ARSA: variants seen among roughly 807,000 people sequenced by gnomAD.
ARSA encodes the protein arylsulfatase A, also known as cerebroside-sulfatase.
ARSA carries 32 observed loss-of-function variants against 37.8 expected under a neutral mutation model. The observed-to-expected ratio is 0.85, with a 90% CI of 0.64 to 1.14. The LOEUF is 1.14. Ranked by LOEUF, ARSA falls within the 50% of genes most tolerant of loss-of-function variation. ARSA has a pLI of 0.00. For synonymous variants in ARSA, 303 were observed against 303.4 expected, an observed-to-expected ratio of 1.00 and a Z score of 0.01; for missense variants, 685 against 686.3, an observed-to-expected ratio of 1.00 and a Z score of 0.02.
Position 50,625,141 on chromosome 22 carries a change from G to A in ARSA, c.*4C>T. ...ATCACATGCCCAGGCCAGCCGAGGG[G>A]CCCTCAGGCATGGGGATCTGGGCAA... On this transcript the variant is annotated 3_prime_UTR_variant, in exon 8 of 8. Coordinates refer to ENST00000216124, the MANE Select transcript of ARSA (RefSeq NM_000487.6). The A allele has an allele frequency of 1.3e-6, 2 of 1,555,406 alleles. No homozygotes were observed. Among genetic ancestry groups the A allele is most frequent in the Non-Finnish European group, 1.7e-6 (2 of 1,152,108 alleles).
At position 50,627,020 on chromosome 22, in the gene ARSA, C is replaced by T. The variant is rs545521822; in HGVS notation, c.498G>A (p.Pro166=). 21 of 1,609,654 alleles carry T rather than the reference C, an allele frequency of 1.3e-5. No individual in the cohort carries two copies. In the South Asian group the frequency reaches 1.3e-4, roughly 10 times the overall value. The part of the protein sequence containing the change: ...GPCQNLTCFP[P]ATPCDGGCDQ... ...CACAGCCACCGTCGCAAGGAGTGGC[C>T]GGCGGGAAGCAGGTCAGGTTCTGGC... The change falls in exon 3 of 8, where the codon CCG becomes CCA. Residue 166 remains proline, a synonymous_variant. Transcript: ENST00000216124.
rs977218325 is a variant in ARSA, at chr22:50,625,018, T to C, written c.*127A>G. The C allele has an allele frequency of 1.0e-5, 12 of 1,164,902 alleles. No individual in the cohort carries two copies. Among genetic ancestry groups the C allele is most frequent in the South Asian group, 1.7e-5 (1 of 60,488 alleles). The allele number at this position is 1,164,902 out of a possible 1,614,324, so 72.2% of individuals were successfully genotyped here. On this transcript the variant is annotated 3_prime_UTR_variant, in exon 8 of 8. Transcript: ENST00000216124. ...CAGCATTACCCCAGGATTGGACGAA[T>C]TGTCACATCTGCAAGTCTCCACTGG...
At position 50,624,718 on chromosome 22, in the gene ARSA, C is replaced by T. The variant is rs1273792776; in HGVS notation, c.*427G>A. Among the ~76,000 whole-genome samples, 1 of 151,774 alleles carries T rather than the reference C, an allele frequency of 6.6e-6. No homozygotes were observed. On this transcript the variant is annotated 3_prime_UTR_variant, in exon 8 of 8. Coordinates refer to ENST00000216124, the MANE Select transcript of ARSA (RefSeq NM_000487.6). ...CTTTGCATCTTCTGAGTCTTCTGGC[C>T]CTCACACCCTCCCACCCTCCCACCC...
At position 50,625,185 on chromosome 22, in the gene ARSA, G is replaced by A; in HGVS notation, c.1490C>T (p.Pro497Leu). ...LQICCHPGCT[P>L]RPACCHCPDP... ...TGGGCAATGGCAGCAAGCTGGGCGG[G>A]GGGTGCAGCCAGGATGACAGCAGAT... Residue 497 changes from proline (P) to leucine (L), a missense_variant, in exon 8 of 8, where the codon CCC becomes CTC. Physicochemically the swap from Pro to Leu is moderately conservative, Grantham distance 98. Coordinates refer to ENST00000216124, the MANE Select transcript of ARSA (RefSeq NM_000487.6). 1 of 1,598,936 alleles carries A rather than the reference G, an allele frequency of 6.3e-7. No individual in the cohort carries two copies. The highest frequency in any genetic ancestry group is 8.5e-7 in the Non-Finnish European group (1 of 1,172,846).
In ARSA at chr22:50,627,805, A is replaced by G. The variant is rs1211662125; in HGVS notation, c.-26T>C. 4 of 1,529,372 alleles carry G rather than the reference A, an allele frequency of 2.6e-6. No homozygotes were observed. The highest frequency in any genetic ancestry group is 3.5e-6 in the Non-Finnish European group (4 of 1,140,046). 94.7% of individuals were successfully genotyped at this position (1,529,372 alleles called of 1,614,324 possible). A position where few individuals can be genotyped will look rare whatever the true frequency, so the allele number is the denominator to read the frequency against. ...GGGACCGAGGGGTCTGTCCCAAGAG[A>G]GGGAGGGCTACTTGGCTCCAGCAGG... On this transcript the variant is annotated 5_prime_UTR_variant, in exon 1 of 8. Coordinates refer to ENST00000216124, the MANE Select transcript of ARSA (RefSeq NM_000487.6).
At chr22:50,626,511 T>C in intron 4 of ARSA, 80 bp downstream of exon 4, 2 of 1,592,730 alleles carry the variant, frequency 1.3e-6, no homozygotes, top group Non-Finnish European at 1.7e-6. Flanking sequence ...ACTATGTTCT[T>C]GGCAAGCAGC....
In ARSA at chr22:50,627,198, G is replaced by C. The variant is rs199476373; in HGVS notation, c.433C>G (p.Arg145Gly). 1 of 1,612,874 alleles carries C rather than the reference G, an allele frequency of 6.2e-7. No individual in the cohort carries two copies. Residue 145 changes from arginine (R) to glycine (G), a missense_variant, in exon 2 of 8, where the codon CGA becomes GGA. Coordinates refer to ENST00000216124, the MANE Select transcript of ARSA (RefSeq NM_000487.6). ...AFLPPHQGFH[R>G]FLGIPYSHDQ... Reference sequence around the variant, plus strand: ...TGGGAGTACGGGATGCCTAGAAATCGATGGAAGCCCTGATGGGGGGGCAGG... The same window carrying C: ...TGGGAGTACGGGATGCCTAGAAATCCATGGAAGCCCTGATGGGGGGGCAGG...
chr22:50,624,957 T>G lies in ARSA; in HGVS notation c.*188A>C. On this transcript the variant is annotated 3_prime_UTR_variant, in exon 8 of 8. Transcript: ENST00000216124. ...TCCTGAACCTCTCTGCACCTCAGTT[T>G]CCTCATTCGTACCACAGGGGACCGG... 1 of 696,616 alleles carries G rather than the reference T, an allele frequency of 1.4e-6. No individual in the cohort carries two copies. 43.2% of individuals were successfully genotyped at this position (696,616 alleles called of 1,614,324 possible). A position where few individuals can be genotyped will look rare whatever the true frequency, so the allele number is the denominator to read the frequency against.
Position 50,625,013 on chromosome 22 carries a change from A to G in ARSA, c.*132T>C. The G allele has an allele frequency of 8.9e-7, 1 of 1,129,568 alleles. No individual in the cohort carries two copies. The highest frequency in any genetic ancestry group is 1.2e-6 in the Non-Finnish European group (1 of 823,204). The allele number at this position is 1,129,568 out of a possible 1,614,324, so 70.0% of individuals were successfully genotyped here. On this transcript the variant is annotated 3_prime_UTR_variant, in exon 8 of 8. Coordinates refer to ENST00000216124, the MANE Select transcript of ARSA (RefSeq NM_000487.6). ...GCACACAGCATTACCCCAGGATTGG[A>G]CGAATTGTCACATCTGCAAGTCTCC...
At chr22:50,626,118 G>A (rs2082662017) in intron 5 of ARSA, 36 bp downstream of exon 5, 1 of 1,599,554 alleles carries the variant, frequency 6.3e-7, no homozygotes, top group East Asian at 2.3e-5. Flanking sequence ...TGGGGTGGTG[G>A]GGCCAGGGTT....
At chr22:50,625,847 G>A in intron 6 of ARSA, 89 bp downstream of exon 6, 1 of 1,544,012 alleles carries the variant, frequency 6.5e-7, no homozygotes, top group Non-Finnish European at 8.8e-7. Flanking sequence ...AGGCACTGAG[G>A]CACAGACTCT....
intron 3 of ARSA, 30 bp downstream of exon 3, chr22:50,626,804 C>T: frequency 6.2e-7 from 1 of 1,611,208 alleles, no homozygotes; most frequent in Non-Finnish European, 8.5e-7. Context: ...GGGTCACGGG[C>T]AGCCAGGGGG....
chr22:50,627,452 CT>C lies in ARSA; in HGVS notation c.225-47del, dbSNP rs767282062. On this transcript the variant is annotated intron_variant, in intron 1 of 7. Coordinates refer to ENST00000216124, the MANE Select transcript of ARSA (RefSeq NM_000487.6). The stretch of plus-strand genomic sequence containing the variant: ...TCCCTGAGACAGACAGAAATGTGGC[CT>C]TCCCTAGAGAGAGAGACAGACGTTT... 31 of 1,606,094 alleles carry C rather than the reference CT, an allele frequency of 1.9e-5. No homozygotes were observed. The Admixed American group carries it at 2.5e-4, about 13-fold the overall frequency.
In ARSA at chr22:50,627,952, A is replaced by G; in HGVS notation, c.-173T>C. On this transcript the variant is annotated 5_prime_UTR_variant, in exon 1 of 8. Transcript: ENST00000216124. Reference sequence around the variant, plus strand: ...GGCCGGGGCCCGACAGTACCGGGAGACCGCGGGCTGGGACGGAACTCCTCC... The same window carrying G: ...GGCCGGGGCCCGACAGTACCGGGAGGCCGCGGGCTGGGACGGAACTCCTCC... 1 of 641,616 alleles carries G rather than the reference A, an allele frequency of 1.6e-6. No individual in the cohort carries two copies. The highest frequency in any genetic ancestry group is 2.7e-6 in the Non-Finnish European group (1 of 376,986). The allele number at this position is 641,616 out of a possible 1,614,324, so 39.7% of individuals were successfully genotyped here.
At position 50,623,158 on chromosome 22, in the gene ARSA, CGT is replaced by C. The variant is rs1569074788; in HGVS notation, c.*1985_*1986del. 6.6e-6 allele frequency: 1 copy of C among 152,254 alleles called. No homozygotes were observed. The highest frequency in any genetic ancestry group is 2.4e-5 in the African/African-American group (1 of 41,460). The allele number at this position is 152,254 out of a possible 1,614,324, so 9.4% of individuals were successfully genotyped here. On this transcript the variant is annotated 3_prime_UTR_variant, in exon 8 of 8. Transcript: ENST00000216124. The stretch of plus-strand genomic sequence containing the variant: ...TGGCCAACACTGAGGGAGCACCTGG[CGT>C]GTGACTGGCCACCTGGGCATGCACG...
rs767496539 is a variant in ARSA at position 50,625,202 on chromosome 22, A to G, written c.1473T>C (p.Cys491=). The G allele has an allele frequency of 6.2e-7, 1 of 1,604,816 alleles. No homozygotes were observed. Among genetic ancestry groups the G allele is most frequent in the Non-Finnish European group, 8.5e-7 (1 of 1,175,292 alleles). The change falls in exon 8 of 8, where the codon TGT becomes TGC. Residue 491 remains cysteine, a synonymous_variant. Coordinates refer to ENST00000216124, the MANE Select transcript of ARSA (RefSeq NM_000487.6). ...CTGGGCGGGGGGTGCAGCCAGGATG[A>G]CAGCAGATCTGCAGGGCGGGGTCCT... ...RGEDPALQIC[C]HPGCTPRPAC... is the part of the protein sequence containing the mutation.
In ARSA at chr22:50,627,393, T is replaced by G; in HGVS notation, c.238A>C (p.Thr80Pro). Reference sequence around the variant, plus strand: ...CCCATCCGAACCGGGAGCCGGCCGGTCAGGAGGGCGGCCCTGCGGGACAAG... The same window carrying G: ...CCCATCCGAACCGGGAGCCGGCCGGGCAGGAGGGCGGCCCTGCGGGACAAG... ...LCTPSRAALL[T>P]GRLPVRMGMY... is the part of the protein sequence containing the mutation. The change falls in exon 2 of 8, where the codon ACC becomes CCC. Residue 80 changes from threonine (T) to proline (P), a missense_variant. Coordinates refer to ENST00000216124, the MANE Select transcript of ARSA (RefSeq NM_000487.6). The G allele has an allele frequency of 6.2e-7, 1 of 1,608,024 alleles. No homozygotes were observed. The highest frequency in any genetic ancestry group is 8.5e-7 in the Non-Finnish European group (1 of 1,179,078).
chr22:50,627,299 T>A lies in ARSA; in HGVS notation c.332A>T (p.Glu111Val). Residue 111 changes from glutamate (E) to valine (V), a missense_variant, in exon 2 of 8, where the codon GAA becomes GTA. Coordinates refer to ENST00000216124, the MANE Select transcript of ARSA (RefSeq NM_000487.6). ...GAGGTAGCCTCGGGCAGCCAGGACT[T>A]CGGCCACGGTCACCTCCTCCAGGGG... ...GLPLEEVTVA[E>V]VLAARGYLTG... 6.3e-7 allele frequency: 1 copy of A among 1,587,086 alleles called. No individual in the cohort carries two copies. Among genetic ancestry groups the A allele is most frequent in the Non-Finnish European group, 8.6e-7 (1 of 1,167,752 alleles).
At chr22:50,625,812 C>A in intron 6 of ARSA, 124 bp downstream of exon 6, 2 of 1,538,376 alleles carry the variant, frequency 1.3e-6, no homozygotes, top group Non-Finnish European at 1.8e-6. Flanking sequence ...AGAGGTGGCG[C>A]CACTTGGATG....
Sources: gnomAD v4.1 joint callset for allele counts (sites outside exome capture counted in the v4.1 genomes callset) on GRCh38, gnomAD v4.1.1 for gene constraint, MANE v1.5 for transcripts, NCBI Gene and HGNC (gene_info 2026-07-23, HGNC 2026-07-21) for gene names.